ALK: variants seen among roughly 807,000 people sequenced by gnomAD.
ALK encodes the protein ALK tyrosine kinase receptor.
Under a neutral mutation model 163.1 loss-of-function variants are expected in ALK, and 74 were observed. The observed-to-expected ratio is 0.45, with a 90% CI of 0.38 to 0.55. The LOEUF (loss-of-function observed/expected upper bound fraction) is 0.55, where lower values mean the gene tolerates loss of function less well. Ranked by LOEUF, ALK falls within the 20% of genes least tolerant of loss-of-function variation. The pLI is 0.00. For missense variants in ALK, 2,063 were observed against 2,105.3 expected, an observed-to-expected ratio of 0.98 and a Z score of 0.39; for synonymous variants, 960 against 843.2, an observed-to-expected ratio of 1.14 and a Z score of -2.40.
At chr2:29,245,788 A>G (rs898341764) in intron 12 of ALK, among the ~76,000 whole-genome samples, 4 of 147,434 alleles carry the variant, frequency 2.7e-5, no homozygotes, top group African/African-American at 1.0e-4. Flanking sequence ...TAGGGGCTCC[A>G]TAGCTCAGTG....
chr2:29,207,090 C>T (rs1287625494), intron 26 of ALK, 81 bp downstream of exon 26: 21 of 1,102,688 alleles, frequency 1.9e-5, no homozygotes, highest in Admixed American at 1.7e-4. Flanking sequence ...CACGGGCTCC[C>T]GGCTTAGAGT....
chr2:29,569,601 T>C lies in ALK; in HGVS notation c.953-37485A>G, dbSNP rs951995217. Among the ~76,000 whole-genome samples the C allele has an allele frequency of 6.6e-5, 10 of 152,198 alleles. No homozygotes were observed. The East Asian group carries it at 1.9e-3, about 29-fold the overall frequency. On this transcript the variant is annotated intron_variant, in intron 3 of 28. Coordinates refer to ENST00000389048, the MANE Select transcript of ALK (RefSeq NM_004304.5). ...TGAGGTCCAGAGACAGTGTCTCCTT[T>C]TACAGATGAGGACGTGGCAGCACAT...
At chr2:29,914,883 G>A (rs1224899711) in intron 1 of ALK, among the ~76,000 whole-genome samples, 3 of 152,192 alleles carry the variant, frequency 2.0e-5, no homozygotes, top group Non-Finnish European at 2.9e-5. Context: ...CAGTATGAAA[G>A]TTTCCAGGTG....
At chr2:29,443,990 C>T (rs6547929) in intron 4 of ALK, among the ~76,000 whole-genome samples, 125,830 of 152,140 alleles carry the variant, frequency 0.83, 53,216 homozygotes, top group Non-Finnish European at 0.93. Context: ...GCTCTTGTTA[C>T]GCCCAATTTG....
intron 5 of ALK, among the ~76,000 whole-genome samples, chr2:29,341,380 C>T (rs1667786738): frequency 6.6e-6 from 1 of 152,218 alleles, no homozygotes; most frequent in South Asian, 2.1e-4. Flanking sequence ...CTGGCATGGG[C>T]TGCTGGGAGC....
intron 4 of ALK, among the ~76,000 whole-genome samples, chr2:29,478,388 G>A (rs773904464): frequency 2.6e-5 from 4 of 152,218 alleles, no homozygotes; most frequent in Non-Finnish European, 5.9e-5. Flanking sequence ...TGTCTGCCAT[G>A]AGCCACACAA....
intron 4 of ALK, among the ~76,000 whole-genome samples, chr2:29,502,106 T>C (rs1411154256): frequency 2.0e-5 from 3 of 152,220 alleles, no homozygotes; most frequent in Non-Finnish European, 4.4e-5. Context: ...AATGAGCTCC[T>C]CTTTGCCAGG....
chr2:29,868,141 G>C (rs1390622750), intron 1 of ALK, among the ~76,000 whole-genome samples: 1 of 152,218 alleles, frequency 6.6e-6, no homozygotes, highest in Non-Finnish European at 1.5e-5. Flanking sequence ...GAGCTGGAAG[G>C]CAAGGAGGTA....
chr2:29,793,238 T>A (rs751959765), intron 1 of ALK, among the ~76,000 whole-genome samples: 3 of 152,210 alleles, frequency 2.0e-5, no homozygotes, highest in Admixed American at 6.5e-5. Context: ...AGTTTGATCA[T>A]GAGGTTGCAG....
intron 8 of ALK, among the ~76,000 whole-genome samples, chr2:29,301,839 C>A (rs1409520013): frequency 1.3e-5 from 2 of 152,126 alleles, no homozygotes; most frequent in Non-Finnish European, 2.9e-5. Flanking sequence ...GACTGGCCAC[C>A]CAGGGATGGT....
intron 3 of ALK, among the ~76,000 whole-genome samples, chr2:29,637,400 G>A (rs1346973593): frequency 6.6e-6 from 1 of 152,154 alleles, no homozygotes; most frequent in Non-Finnish European, 1.5e-5. Flanking sequence ...TAGAAATGGA[G>A]AAGAGATTAG....
intron 3 of ALK, among the ~76,000 whole-genome samples, chr2:29,594,556 G>A (rs1277710534): frequency 6.6e-6 from 1 of 151,570 alleles, no homozygotes; most frequent in Non-Finnish European, 1.5e-5. Flanking sequence ...CGCCTCCTGA[G>A]TAGCTAGAAT....
intron 4 of ALK, among the ~76,000 whole-genome samples, chr2:29,499,260 G>A (rs929090877): frequency 1.3e-5 from 2 of 151,702 alleles, no homozygotes; most frequent in African/African-American, 2.4e-5. Flanking sequence ...TCAATGGTGT[G>A]GTCTCGGCTC....
intron 4 of ALK, among the ~76,000 whole-genome samples, chr2:29,483,894 A>C (rs1671721729): frequency 6.6e-6 from 1 of 152,202 alleles, no homozygotes; most frequent in African/African-American, 2.4e-5. Context: ...TGGGTAATTT[A>C]TAAAGAAAAA....
At chr2:29,771,162 C>T (rs904162571) in intron 1 of ALK, among the ~76,000 whole-genome samples, 10 of 151,984 alleles carry the variant, frequency 6.6e-5, no homozygotes, top group African/African-American at 2.4e-4. Flanking sequence ...TGCATACATA[C>T]ACAAATACAC....
At chr2:29,671,232 C>T (rs1677676989) in intron 3 of ALK, among the ~76,000 whole-genome samples, 1 of 152,042 alleles carries the variant, frequency 6.6e-6, no homozygotes, top group African/African-American at 2.4e-5. Flanking sequence ...CACCTCTGCG[C>T]TAATAAATAG....
At chr2:29,210,621 A>T (rs187558183) in intron 24 of ALK, among the ~76,000 whole-genome samples, 21 of 152,246 alleles carry the variant, frequency 1.4e-4, no homozygotes, top group African/African-American at 4.6e-4. Context: ...TTTAGTAGAG[A>T]CAGGGTTTCA....
At chr2:29,759,158 G>A (rs985231439) in intron 1 of ALK, among the ~76,000 whole-genome samples, 1 of 152,142 alleles carries the variant, frequency 6.6e-6, no homozygotes, top group African/African-American at 2.4e-5. Flanking sequence ...ATGCAAGTCT[G>A]CAAGATGGTC....
intron 26 of ALK, among the ~76,000 whole-genome samples, chr2:29,202,230 C>T (rs1188264607): frequency 1.3e-5 from 2 of 152,342 alleles, no homozygotes; most frequent in East Asian, 3.9e-4. Flanking sequence ...TTTCCAAGGC[C>T]TGCCCTTTCT....
Sources: allele counts gnomAD v4.1 joint callset (sites outside exome capture counted in the v4.1 genomes callset), GRCh38; gene constraint gnomAD v4.1.1; transcripts MANE v1.5; gene names NCBI Gene and HGNC (gene_info 2026-07-23, HGNC 2026-07-21).